The following IL1RAPL2 variants were observed in gnomAD, a reference collection of about 807,000 sequenced individuals.
The protein encoded by IL1RAPL2 is X-linked interleukin-1 receptor accessory protein-like 2.
Under a neutral mutation model 44.1 loss-of-function variants are expected in IL1RAPL2, and 3 were observed. That is an observed-to-expected ratio of 0.07 (90% CI 0.03 to 0.18). The LOEUF is 0.18. Among genes scored for constraint, IL1RAPL2 ranks in the 10% least tolerant of loss-of-function variants. The probability of loss-of-function intolerance (pLI) is 1.00; values close to 1 mark genes in which losing one functional copy is unlikely to be tolerated. For missense variants in IL1RAPL2, 391 were observed against 496.4 expected (o/e 0.79, Z 2.02); for synonymous variants, 181 against 178.8 (o/e 1.01, Z -0.10).
chrX:104,912,135 GGA>G (rs1265191932), intron 2 of IL1RAPL2, among the ~76,000 whole-genome samples: 6 of 11,257 alleles, frequency 5.3e-4, no homozygotes. Context: ...AGGTGGACAG[GGA>G]TTTTTTTTTT....
At chrX:105,617,560 GCT>G (rs2147829668) in intron 6 of IL1RAPL2, among the ~76,000 whole-genome samples, 1 of 111,647 alleles carries the variant, frequency 9.0e-6, no homozygotes, top group Admixed American at 9.5e-5. Context: ...AATTCAGAAA[GCT>G]CTTACTTTCC....
intron 4 of IL1RAPL2, among the ~76,000 whole-genome samples, chrX:105,266,045 C>CTTT (rs374262397): frequency 9.7e-6 from 1 of 102,948 alleles, no homozygotes; most frequent in African/African-American, 3.6e-5. Context: ...TGATAAAATA[C>CTTT]TTTTTTTTTT....
intron 5 of IL1RAPL2, among the ~76,000 whole-genome samples, chrX:105,318,065 C>T (rs1280124975): frequency 9.2e-6 from 1 of 109,068 alleles, no homozygotes; most frequent in Non-Finnish European, 1.9e-5. Context: ...CTCCGCCTCC[C>T]GGGTTCACGC....
chrX:105,377,272 G>A (rs2035394666), intron 5 of IL1RAPL2, among the ~76,000 whole-genome samples: 1 of 111,052 alleles, frequency 9.0e-6, no homozygotes, highest in Admixed American at 9.6e-5. Flanking sequence ...TCAAATTGCT[G>A]CCTGTAATTT....
intron 1 of IL1RAPL2, among the ~76,000 whole-genome samples, chrX:104,581,476 C>G (rs1429970936): frequency 8.9e-6 from 1 of 111,762 alleles, no homozygotes; most frequent in Non-Finnish European, 1.9e-5. Flanking sequence ...GTTTATAGAT[C>G]AGCTATTAGT....
At chrX:105,170,235 A>G (rs1462283865) in intron 2 of IL1RAPL2, among the ~76,000 whole-genome samples, 2 of 111,569 alleles carry the variant, frequency 1.8e-5, no homozygotes, top group Non-Finnish European at 3.8e-5. Context: ...ACAAATGAGC[A>G]TATAAAAATA....
chrX:105,187,713 G>A (rs782728747), intron 2 of IL1RAPL2, among the ~76,000 whole-genome samples: 1 of 111,916 alleles, frequency 8.9e-6, no homozygotes, highest in Non-Finnish European at 1.9e-5. Context: ...TAGAATGGTG[G>A]TTACAGGGGT....
At chrX:105,080,033 C>A (rs976626169) in intron 2 of IL1RAPL2, among the ~76,000 whole-genome samples, 15 of 111,966 alleles carry the variant, frequency 1.3e-4, no homozygotes, top group Admixed American at 3.8e-4. Context: ...TTCACCTGAT[C>A]TTTGATGGCG....
chrX:104,762,116 G>A (rs1042487036), intron 2 of IL1RAPL2, among the ~76,000 whole-genome samples: 1 of 108,839 alleles, frequency 9.2e-6, no homozygotes, highest in Non-Finnish European at 1.9e-5. Flanking sequence ...TCCTGCCTGA[G>A]CCTCCCAAGT....
intron 2 of IL1RAPL2, among the ~76,000 whole-genome samples, chrX:104,767,852 A>G (rs1043537463): frequency 4.5e-5 from 5 of 111,864 alleles, no homozygotes; most frequent in Non-Finnish European, 9.4e-5. Flanking sequence ...CTAAGAGGCA[A>G]AACTTTATAT....
chrX:105,632,034 C>T (rs1293326393), intron 6 of IL1RAPL2, among the ~76,000 whole-genome samples: 1 of 110,626 alleles, frequency 9.0e-6, no homozygotes, highest in Non-Finnish European at 1.9e-5. Context: ...CTTACTCTCC[C>T]CAGTCCTCTC....
chrX:104,832,083 T>C lies in IL1RAPL2; in HGVS notation c.82+173088T>C, dbSNP rs1921625424. On this transcript the variant is annotated intron_variant, in intron 2 of 10. Transcript: ENST00000372582. Reference sequence around the variant, plus strand: ...TCTGTTCAGGGTTACTTGAAATTTCTATATCATGCATTAGCAAGTGAACCT... The same window carrying C: ...TCTGTTCAGGGTTACTTGAAATTTCCATATCATGCATTAGCAAGTGAACCT... Among the ~76,000 whole-genome samples the C allele has an allele frequency of 2.7e-5, 3 of 111,443 alleles. No individual in the cohort carries two copies. In the South Asian group the frequency reaches 1.1e-3, roughly 42 times the overall value.
chrX:104,928,219 G>A (rs1385864098), intron 2 of IL1RAPL2, among the ~76,000 whole-genome samples: 1 of 111,303 alleles, frequency 9.0e-6, no homozygotes, highest in African/African-American at 3.3e-5. Context: ...ATTGACTATA[G>A]TATCTCTGTT....
intron 2 of IL1RAPL2, among the ~76,000 whole-genome samples, chrX:105,031,377 G>T (rs1239057610): frequency 9.1e-6 from 1 of 110,192 alleles, no homozygotes; most frequent in Admixed American, 9.7e-5. Context: ...ATTGGCTGTG[G>T]GTTTGTCATA....
At position 105,515,879 on chromosome X, in the gene IL1RAPL2, G is replaced by GA. The variant is rs764632541; in HGVS notation, c.772+31496dup. On this transcript the variant is annotated intron_variant, in intron 6 of 10. Coordinates refer to ENST00000372582, the MANE Select transcript of IL1RAPL2 (RefSeq NM_017416.2). ...CTAGATTATGAGTAAAATTAAAAGA[G>GA]AAAATACTGTATAAACCTGTAAGAA... Among the ~76,000 whole-genome samples the GA allele has an allele frequency of 9.9e-5, 11 of 111,468 alleles. No individual in the cohort carries two copies. The East Asian group carries it at 3.1e-3, about 32-fold the overall frequency.
intron 2 of IL1RAPL2, among the ~76,000 whole-genome samples, chrX:104,918,219 G>C (rs1478519097): frequency 2.7e-5 from 3 of 111,638 alleles, no homozygotes; most frequent in Middle Eastern, 4.6e-3. Flanking sequence ...GGAAAATAGA[G>C]CATGTTCTTA....
At chrX:105,424,565 T>C (rs2035795674) in intron 5 of IL1RAPL2, among the ~76,000 whole-genome samples, 1 of 109,322 alleles carries the variant, frequency 9.1e-6, no homozygotes, top group African/African-American at 3.3e-5. Flanking sequence ...AGTGGAATGA[T>C]ACAGAGGACG....
chrX:105,063,319 T>A (rs1017306007), intron 2 of IL1RAPL2, among the ~76,000 whole-genome samples: 1 of 112,820 alleles, frequency 8.9e-6, no homozygotes, highest in Non-Finnish European at 1.9e-5. Context: ...CTCTGTGTTA[T>A]TGTGAATTTC....
At chrX:105,600,660 G>T (rs952869970) in intron 6 of IL1RAPL2, among the ~76,000 whole-genome samples, 1 of 94,867 alleles carries the variant, frequency 1.1e-5, no homozygotes. Context: ...TAGTTAATTT[G>T]ATTAATAATA....
Sources: gnomAD v4.1 joint callset for allele counts (sites outside exome capture counted in the v4.1 genomes callset) on GRCh38, gnomAD v4.1.1 for gene constraint, MANE v1.5 for transcripts, NCBI Gene and HGNC (gene_info 2026-07-23, HGNC 2026-07-21) for gene names.